The following FHIT variants were observed in gnomAD, a reference collection of about 807,000 sequenced individuals.
FHIT encodes bis(5'-adenosyl)-triphosphatase.
FHIT carries 19 observed loss-of-function variants against 17.9 expected under a neutral mutation model. That is an observed-to-expected ratio of 1.06 (90% confidence interval 0.74 to 1.56). The LOEUF (loss-of-function observed/expected upper bound fraction) is 1.56. Ranked by LOEUF, FHIT falls within the 40% of genes most tolerant of loss-of-function variation. The pLI is 0.00. For synonymous variants in FHIT, 81 were observed against 69.7 expected (o/e 1.16, Z -0.81); for missense variants, 248 against 189.2 (o/e 1.31, Z -1.82).
chr3:59,980,200 T>C (rs974643020), intron 7 of FHIT, among the ~76,000 whole-genome samples: 8 of 152,176 alleles, frequency 5.3e-5, no homozygotes, highest in Middle Eastern at 3.2e-3. Flanking sequence ...CAGCTCTTCA[T>C]GATCATCACA....
intron 4 of FHIT, among the ~76,000 whole-genome samples, chr3:60,610,712 C>T (rs985813925): frequency 1.3e-5 from 2 of 152,162 alleles, no homozygotes; most frequent in Non-Finnish European, 2.9e-5. Flanking sequence ...AAACACCTTG[C>T]GGCTGCTCTT....
intron 8 of FHIT, among the ~76,000 whole-genome samples, chr3:59,828,841 C>CTGTGTGTG (rs1491505595): frequency 1.1e-3 from 3 of 2,680 alleles, no homozygotes; most frequent in Non-Finnish European, 4.6e-3. Context: ...ACCAATGGTA[C>CTGTGTGTG]TCTCTCTGTG....
chr3:61,173,015 A>C (rs779973448), intron 2 of FHIT, among the ~76,000 whole-genome samples: 10 of 152,200 alleles, frequency 6.6e-5, no homozygotes, highest in Admixed American at 2.0e-4. Flanking sequence ...ATTCTGCTCC[A>C]AGGAAATACT....
chr3:60,515,959 C>T (rs906578523), intron 5 of FHIT, among the ~76,000 whole-genome samples: 6 of 152,108 alleles, frequency 3.9e-5, no homozygotes, highest in African/African-American at 1.4e-4. Flanking sequence ...GCAAAAATCA[C>T]CTTTGCCTTC....
At chr3:60,309,181 C>A (rs1415356998) in intron 5 of FHIT, among the ~76,000 whole-genome samples, 1 of 152,060 alleles carries the variant, frequency 6.6e-6, no homozygotes. Flanking sequence ...GCTCTGCTTG[C>A]AGCGGAAGGT....
chr3:61,223,834 T>A (rs2039899892), intron 1 of FHIT, among the ~76,000 whole-genome samples: 1 of 152,186 alleles, frequency 6.6e-6, no homozygotes, highest in South Asian at 2.1e-4. Context: ...GCTAAAGAAG[T>A]TTTCATTCTT....
chr3:61,097,513 T>C (rs1391314874), intron 2 of FHIT, among the ~76,000 whole-genome samples: 1 of 152,182 alleles, frequency 6.6e-6, no homozygotes, highest in South Asian at 2.1e-4. Context: ...TTTAGGTCTT[T>C]AAGGAATCGT....
intron 7 of FHIT, among the ~76,000 whole-genome samples, chr3:59,974,175 T>C (rs917960393): frequency 6.6e-6 from 1 of 152,076 alleles, no homozygotes; most frequent in Non-Finnish European, 1.5e-5. Context: ...CCATTGCCTG[T>C]CTATTAGGCC....
chr3:60,391,550 A>C (rs1701234130), intron 5 of FHIT, among the ~76,000 whole-genome samples: 1 of 152,204 alleles, frequency 6.6e-6, no homozygotes, highest in Non-Finnish European at 1.5e-5. Flanking sequence ...TGCCCTGTAC[A>C]GGTCTACCAT....
intron 5 of FHIT, among the ~76,000 whole-genome samples, chr3:60,498,682 GAACA>G: frequency 6.6e-6 from 1 of 152,208 alleles, no homozygotes; most frequent in South Asian, 2.1e-4. Context: ...AGGCAAAGTT[GAACA>G]AACAGTTAAA....
chr3:61,229,961 C>G (rs2040058175), intron 1 of FHIT, among the ~76,000 whole-genome samples: 1 of 152,138 alleles, frequency 6.6e-6, no homozygotes, highest in Non-Finnish European at 1.5e-5. Context: ...CTTGGTGCAT[C>G]AGGTCAAGAT....
intron 5 of FHIT, among the ~76,000 whole-genome samples, chr3:60,206,396 T>C (rs1422170151): frequency 1.3e-5 from 2 of 152,130 alleles, no homozygotes; most frequent in South Asian, 4.1e-4. Context: ...ACTTCAGGGT[T>C]ATGAGAGTTT....
At chr3:60,979,539 C>G (rs1684898777) in intron 3 of FHIT, among the ~76,000 whole-genome samples, 1 of 152,212 alleles carries the variant, frequency 6.6e-6, no homozygotes, top group African/African-American at 2.4e-5. Flanking sequence ...CCTACCTCCT[C>G]TGGCAGTTCT....
In FHIT at chr3:60,570,165, G is replaced by C. The variant is rs191826854; in HGVS notation, c.-17-33186C>G. On this transcript the variant is annotated intron_variant, in intron 4 of 9. Transcript: ENST00000492590. ...ACAGATATGTTTGGGAAGCCATGCTGCACTGGAATCACTGTCAGAGTTTCA... is the reference window on the plus strand; with the variant it reads ...ACAGATATGTTTGGGAAGCCATGCTCCACTGGAATCACTGTCAGAGTTTCA... Among the ~76,000 whole-genome samples the C allele has an allele frequency of 3.1e-4, 47 of 152,202 alleles. No homozygotes were observed. The South Asian group carries it at 9.5e-3, about 31-fold the overall frequency.
At chr3:59,956,855 T>C (rs1435038718) in intron 7 of FHIT, among the ~76,000 whole-genome samples, 4 of 152,194 alleles carry the variant, frequency 2.6e-5, no homozygotes, top group Non-Finnish European at 5.9e-5. Flanking sequence ...AAAATCCCTA[T>C]CATCCTTTAG....
intron 2 of FHIT, among the ~76,000 whole-genome samples, chr3:61,176,716 CA>C (rs1560042800): frequency 6.6e-6 from 1 of 152,144 alleles, no homozygotes; most frequent in Admixed American, 6.5e-5. Flanking sequence ...GCAGCATATT[CA>C]AAGAGACAGA....
intron 5 of FHIT, among the ~76,000 whole-genome samples, chr3:60,470,029 TG>T (rs748814932): frequency 4.0e-5 from 4 of 100,798 alleles, no homozygotes; most frequent in South Asian, 7.2e-4. Flanking sequence ...TCTGTCTCTC[TG>T]TCTCTCTCCC....
intron 4 of FHIT, among the ~76,000 whole-genome samples, chr3:60,614,301 G>A (rs2038874273): frequency 6.6e-6 from 1 of 152,162 alleles, no homozygotes; most frequent in Non-Finnish European, 1.5e-5. Flanking sequence ...CAGAATTCAT[G>A]TTCTAAGACT....
chr3:60,715,398 A>G (rs1553706473), intron 4 of FHIT, among the ~76,000 whole-genome samples: 2 of 152,126 alleles, frequency 1.3e-5, no homozygotes, highest in East Asian at 1.9e-4. Flanking sequence ...AGACTGGATT[A>G]AGAAATTGTG....
Sources: allele counts gnomAD v4.1 joint callset (sites outside exome capture counted in the v4.1 genomes callset), GRCh38; gene constraint gnomAD v4.1.1; transcripts MANE v1.5; gene names NCBI Gene and HGNC (gene_info 2026-07-23, HGNC 2026-07-21).